The following MED27 variants were observed in gnomAD, a reference collection of about 807,000 sequenced individuals.
MED27 encodes mediator complex subunit 27, also known as mediator of RNA polymerase II transcription subunit 27.
In MED27, 30 loss-of-function variants were observed where a neutral mutation model predicts 38.2. The ratio of observed to expected loss-of-function variants is 0.79; its 90% CI spans 0.59 to 1.07. The LOEUF (loss-of-function observed/expected upper bound fraction) is 1.07, where lower values mean the gene tolerates loss of function less well. Among genes scored for constraint, MED27 ranks in the 50% least tolerant of loss-of-function variants. The pLI is 0.00. For synonymous variants in MED27, 122 were observed against 153.5 expected (o/e 0.79, Z 1.52); for missense variants, 289 against 397.5 (o/e 0.73, Z 2.32).
intron 3 of MED27, among the ~76,000 whole-genome samples, chr9:131,969,965 C>G (rs1420740029): frequency 6.6e-6 from 1 of 151,642 alleles, no homozygotes; most frequent in Non-Finnish European, 1.5e-5. Flanking sequence ...GGCTGGAGGG[C>G]TGGGGGGGGG....
intron 2 of MED27, among the ~76,000 whole-genome samples, chr9:132,067,902 C>G (rs1271526627): frequency 6.6e-6 from 1 of 152,018 alleles, no homozygotes; most frequent in African/African-American, 2.4e-5. Context: ...TTAGTAGAGA[C>G]GGGGTTTCAC....
chr9:132,024,664 C>CTGTG (rs1490036716), intron 2 of MED27, among the ~76,000 whole-genome samples: 2 of 152,210 alleles, frequency 1.3e-5, no homozygotes, highest in African/African-American at 4.8e-5. Flanking sequence ...TCTCATACAA[C>CTGTG]TGTGGAAGAC....
chr9:131,941,461 A>C (rs1163108709), intron 3 of MED27, among the ~76,000 whole-genome samples: 1 of 152,202 alleles, frequency 6.6e-6, no homozygotes, highest in East Asian at 1.9e-4. Context: ...TCTCTAAGGA[A>C]AGCCTATCAG....
intron 3 of MED27, among the ~76,000 whole-genome samples, chr9:131,957,827 C>T (rs1198182487): frequency 6.6e-6 from 1 of 151,318 alleles, no homozygotes; most frequent in Non-Finnish European, 1.5e-5. Context: ...GTCTGTAATC[C>T]TAGCACTTTA....
chr9:131,877,912 C>T (rs1838965258), intron 6 of MED27, among the ~76,000 whole-genome samples: 1 of 152,182 alleles, frequency 6.6e-6, no homozygotes, highest in Non-Finnish European at 1.5e-5. Context: ...CTGAAAAGCA[C>T]CTGGTGGCCA....
In MED27 at chr9:132,014,335, ACTG is replaced by A; in HGVS notation, c.478_479+1del. ...AAGTAATTTTTCAAATCCATCACTC[ACTG>A]AGGTGGTAGGACAAGAGTTGTGGGC... On this transcript the variant is annotated splice_donor_variant and coding_sequence_variant, in exon 3 of 8. Transcript: ENST00000292035. LOFTEE classifies it high-confidence loss of function. 6.2e-7 allele frequency: 1 copy of A among 1,611,150 alleles called. No homozygotes were observed. Among genetic ancestry groups the A allele is most frequent in the South Asian group, 1.1e-5 (1 of 90,748 alleles).
chr9:131,964,650 A>C (rs1457406860), intron 3 of MED27, among the ~76,000 whole-genome samples: 1 of 152,148 alleles, frequency 6.6e-6, no homozygotes, highest in Non-Finnish European at 1.5e-5. Flanking sequence ...TTGATACCTA[A>C]CCCCCATCCT....
rs1159201103 is a variant in MED27, at chr9:132,077,434, T to C, written c.348+8A>G. The C allele has an allele frequency of 1.2e-6, 2 of 1,611,184 alleles. No individual in the cohort carries two copies. The highest frequency in any genetic ancestry group is 1.7e-6 in the Non-Finnish European group (2 of 1,179,172). ...ATATATTAGCTCCGTTTATTACATC[T>C]CCCTTACCTTGTTTGACCACTTATA... On this transcript the variant is annotated splice_region_variant and intron_variant, in intron 2 of 7. Transcript: ENST00000292035.
chr9:131,929,871 A>AG (rs1830550507), intron 4 of MED27, among the ~76,000 whole-genome samples: 1 of 152,256 alleles, frequency 6.6e-6, no homozygotes, highest in South Asian at 2.1e-4. Context: ...TGTTGACTGT[A>AG]GAGTCCTAGC....
chr9:131,969,929 G>A (rs1223898388), intron 3 of MED27, among the ~76,000 whole-genome samples: 2 of 152,226 alleles, frequency 1.3e-5, no homozygotes, highest in African/African-American at 4.8e-5. Context: ...TAGGTGGGCA[G>A]CACCACCCAG....
intron 3 of MED27, among the ~76,000 whole-genome samples, chr9:131,955,989 T>C (rs186165241): frequency 6.6e-6 from 1 of 152,260 alleles, no homozygotes; most frequent in East Asian, 1.9e-4. Context: ...AATAAAATAT[T>C]AGCAAATAGA....
chr9:132,013,936 T>C (rs1300697300), intron 3 of MED27, among the ~76,000 whole-genome samples: 2 of 152,174 alleles, frequency 1.3e-5, no homozygotes, highest in Non-Finnish European at 2.9e-5. Context: ...CCGGGTGTGG[T>C]AGCTCATACC....
At chr9:131,898,506 G>A (rs1057202333) in intron 4 of MED27, among the ~76,000 whole-genome samples, 2 of 151,584 alleles carry the variant, frequency 1.3e-5, no homozygotes, top group African/African-American at 2.4e-5. Context: ...GTGAGCCACC[G>A]CGCCCAGCCA....
At chr9:131,949,642 A>G (rs1271710004) in intron 3 of MED27, among the ~76,000 whole-genome samples, 2 of 152,210 alleles carry the variant, frequency 1.3e-5, no homozygotes, top group African/African-American at 4.8e-5. Flanking sequence ...AACAACTGAG[A>G]AATCTTTTAG....
chr9:132,070,260 A>G (rs1833906485), intron 2 of MED27, among the ~76,000 whole-genome samples: 1 of 152,238 alleles, frequency 6.6e-6, no homozygotes, highest in African/African-American at 2.4e-5. Flanking sequence ...ATATTGTCCT[A>G]AAGAAACAGG....
At chr9:132,072,249 A>T (rs2131167481) in intron 2 of MED27, among the ~76,000 whole-genome samples, 1 of 151,856 alleles carries the variant, frequency 6.6e-6, no homozygotes, top group East Asian at 1.9e-4. Context: ...TTTGATGTGC[A>T]TTATCTCAAT....
chr9:131,910,580 T>C (rs754773311), intron 4 of MED27, among the ~76,000 whole-genome samples: 6 of 152,154 alleles, frequency 3.9e-5, no homozygotes, highest in Non-Finnish European at 8.8e-5. Flanking sequence ...TACAGAAAAG[T>C]CCCACACTTT....
chr9:132,051,585 G>C lies in MED27; in HGVS notation c.348+25857C>G, dbSNP rs1451716844. 6.6e-6 allele frequency among the ~76,000 whole-genome samples: 1 copy of C among 152,216 alleles called. No homozygotes were observed. The highest frequency in any genetic ancestry group is 6.5e-5 in the Admixed American group (1 of 15,290). On this transcript the variant is annotated intron_variant, in intron 2 of 7. Coordinates refer to ENST00000292035, the MANE Select transcript of MED27 (RefSeq NM_004269.4). This position sits in a 1 kb window ranked among gnomAD's most constrained non-coding sequence, Gnocchi z 4.2. ...TCAAGCACTCATCTACATGGCCCAAGGTTCCTTCCAGCCTCCAGATCTGTG... is the reference window on the plus strand; with the variant it reads ...TCAAGCACTCATCTACATGGCCCAACGTTCCTTCCAGCCTCCAGATCTGTG...
At chr9:131,937,081 T>C (rs1469652510) in intron 4 of MED27, among the ~76,000 whole-genome samples, 1 of 152,150 alleles carries the variant, frequency 6.6e-6, no homozygotes, top group Non-Finnish European at 1.5e-5. Context: ...TAGCAGTAGG[T>C]AGTGGGGGAG....
Sources: allele counts gnomAD v4.1 joint callset (sites outside exome capture counted in the v4.1 genomes callset), GRCh38; gene constraint gnomAD v4.1.1; non-coding constraint Gnocchi (gnomAD v3.1); transcripts MANE v1.5; gene names NCBI Gene and HGNC (gene_info 2026-07-23, HGNC 2026-07-21).